Variants in PATJ observed in about 807,000 individuals in gnomAD.
PATJ encodes the protein inaD-like protein.
PATJ carries 190 observed loss-of-function variants against 224.9 expected under a neutral mutation model. The ratio of observed to expected loss-of-function variants is 0.84; its 90% CI spans 0.75 to 0.95. PATJ has a LOEUF of 0.95. PATJ is among the 40% of genes least tolerant of loss of function. The probability of loss-of-function intolerance (pLI) is 0.00; values close to 1 mark genes in which losing one functional copy is unlikely to be tolerated. For synonymous variants in PATJ, 769 were observed against 820.3 expected, an observed-to-expected ratio of 0.94 and a Z score of 1.07; for missense variants, 2,121 against 2,270.3, an observed-to-expected ratio of 0.93 and a Z score of 1.34.
intron 6 of PATJ, among the ~76,000 whole-genome samples, chr1:61,774,078 C>T (rs1402676313): frequency 6.9e-6 from 1 of 145,490 alleles, no homozygotes; most frequent in Non-Finnish European, 1.5e-5. Context: ...CGAGATCACA[C>T]CACTGCACTC....
chr1:62,051,074 A>G lies in PATJ; in HGVS notation c.4125+16A>G. The G allele has an allele frequency of 6.4e-7, 1 of 1,571,782 alleles. No individual in the cohort carries two copies. The highest frequency in any genetic ancestry group is 1.4e-5 in the African/African-American group (1 of 73,998). ...CTTCAAACTGGTGAGAATCTTGAGT[A>G]TTTTTCATCCTGTATTCTGTTTAGG... On this transcript the variant is annotated intron_variant, in intron 31 of 43. Coordinates refer to ENST00000642238, the MANE Select transcript of PATJ (RefSeq NM_001350145.3).
chr1:61,937,033 C>A (rs965606331), intron 27 of PATJ, among the ~76,000 whole-genome samples: 1 of 152,102 alleles, frequency 6.6e-6, no homozygotes, highest in Admixed American at 6.5e-5. Flanking sequence ...AGCTTCGAGT[C>A]GTTTATTCAG....
At position 62,125,566 on chromosome 1, in the gene PATJ, A is replaced by T. The variant is rs1665639672; in HGVS notation, c.5044-2406A>T. Among the ~76,000 whole-genome samples, 3 of 152,198 alleles carry T rather than the reference A, an allele frequency of 2.0e-5. No homozygotes were observed. The South Asian group carries it at 6.2e-4, about 31-fold the overall frequency. ...GGGAAGTTAAATGTACCAACAGTAT[A>T]TATAATTATAGATAAATTAAGGAAA... is the stretch of plus-strand genomic sequence containing the variant. On this transcript the variant is annotated intron_variant, in intron 39 of 43. Coordinates refer to ENST00000642238, the MANE Select transcript of PATJ (RefSeq NM_001350145.3).
At chr1:62,144,509 G>T (rs1667814704) in intron 41 of PATJ, among the ~76,000 whole-genome samples, 1 of 152,078 alleles carries the variant, frequency 6.6e-6, no homozygotes, top group Non-Finnish European at 1.5e-5. Flanking sequence ...TGTGCAGTGA[G>T]AATTATAACC....
chr1:61,804,162 A>G (rs1052255474), intron 12 of PATJ, among the ~76,000 whole-genome samples: 3 of 152,182 alleles, frequency 2.0e-5, no homozygotes, highest in African/African-American at 7.2e-5. Flanking sequence ...GAAGAAATTT[A>G]TGAGGCAAGA....
intron 27 of PATJ, among the ~76,000 whole-genome samples, chr1:61,960,867 T>G (rs1198812919): frequency 1.3e-5 from 2 of 152,152 alleles, no homozygotes; most frequent in African/African-American, 4.8e-5. Flanking sequence ...TTTCTGATTC[T>G]TGAGTTCTAG....
chr1:61,974,474 C>T (rs182430300), intron 27 of PATJ, among the ~76,000 whole-genome samples: 55 of 134,802 alleles, frequency 4.1e-4, no homozygotes, highest in Non-Finnish European at 7.0e-4. Context: ...AGTGCAATGG[C>T]GCAATCTTGG....
chr1:61,863,027 G>GTTTTTGTTTTTTTTTT, intron 19 of PATJ, among the ~76,000 whole-genome samples: 1 of 79,996 alleles, frequency 1.3e-5, no homozygotes, highest in Non-Finnish European at 2.5e-5. Context: ...ACTGTTTTCA[G>GTTTTTGTTTTTTTTTT]TTTTTTTTTT....
At chr1:61,823,182 T>C in intron 15 of PATJ, 103 bp downstream of exon 15, 1 of 1,128,538 alleles carries the variant, frequency 8.9e-7, no homozygotes, top group Non-Finnish European at 1.3e-6. Flanking sequence ...CCAATGCCAA[T>C]GTAATATGAG....
At chr1:61,744,758 G>A (rs1644940172) in intron 1 of PATJ, among the ~76,000 whole-genome samples, 3 of 152,000 alleles carry the variant, frequency 2.0e-5, no homozygotes, top group Non-Finnish European at 4.4e-5. Flanking sequence ...ATTTACCTGG[G>A]GATAGTGTCA....
chr1:61,952,286 GGCCCAAGGTCGTCAGA>G (rs1679827630), intron 27 of PATJ: 9 of 639,506 alleles, frequency 1.4e-5, no homozygotes, highest in South Asian at 3.6e-5. Flanking sequence ...GAGAAAAATA[GGCCCAAGGTCGTCAGA>G]AGAGAGAGGA....
intron 33 of PATJ, among the ~76,000 whole-genome samples, chr1:62,091,003 T>C (rs1027941253): frequency 6.6e-6 from 1 of 152,250 alleles, no homozygotes; most frequent in Admixed American, 6.5e-5. Context: ...TCTTGGATTA[T>C]TGGCAGACTT....
intron 35 of PATJ, chr1:62,114,456 C>T (rs983865369): frequency 1.9e-6 from 1 of 530,244 alleles, no homozygotes; most frequent in African/African-American, 1.9e-5. Flanking sequence ...TCCAATCAAT[C>T]CAGACTGATA....
chr1:61,771,439 G>T lies in PATJ; in HGVS notation c.533G>T (p.Arg178Ile). The T allele has an allele frequency of 6.3e-7, 1 of 1,584,826 alleles. No homozygotes were observed. The highest frequency in any genetic ancestry group is 8.6e-7 in the Non-Finnish European group (1 of 1,168,324). The change falls in exon 6 of 44, where the codon AGA becomes ATA. Residue 178 changes from arginine to isoleucine, a missense_variant. Coordinates refer to ENST00000642238, the MANE Select transcript of PATJ (RefSeq NM_001350145.3). ...TTTCTTACATGATTAAGGGATCAAA[G>T]ATTAAAGGAAAATGATCAAATATTG... ...QPGSVADRDQRLKENDQILAI... is the reference protein window; with the variant it reads ...QPGSVADRDQILKENDQILAI...
In PATJ at chr1:62,037,979, A is replaced by C; in HGVS notation, c.3962A>C (p.Asn1321Thr). ...CTGCCTATTTTAACACTTCACAGAAACGAGGATGCAGTCAATCAGATGGCC... is the reference window on the plus strand; with the variant it reads ...CTGCCTATTTTAACACTTCACAGAACCGAGGATGCAGTCAATCAGATGGCC... ...PSKVKLVFIR[N>T]EDAVNQMAVT... The change falls in exon 30 of 44, where the codon AAC becomes ACC. Residue 1321 changes from asparagine to threonine, a missense_variant and splice_region_variant. Coordinates refer to ENST00000642238, the MANE Select transcript of PATJ (RefSeq NM_001350145.3). The C allele has an allele frequency of 6.2e-7, 1 of 1,603,230 alleles. No individual in the cohort carries two copies. Among genetic ancestry groups the C allele is most frequent in the Non-Finnish European group, 8.5e-7 (1 of 1,173,484 alleles).
intron 33 of PATJ, among the ~76,000 whole-genome samples, chr1:62,102,406 G>C (rs928932602): frequency 6.6e-6 from 1 of 151,866 alleles, no homozygotes; most frequent in Non-Finnish European, 1.5e-5. Flanking sequence ...CTTTTTTCTT[G>C]GGCTAAACAA....
chr1:61,837,818 A>G (rs1294011164), intron 17 of PATJ, among the ~76,000 whole-genome samples: 1 of 148,942 alleles, frequency 6.7e-6, no homozygotes, highest in Non-Finnish European at 1.5e-5. Context: ...GGGAAAGATG[A>G]GTGAGCAGAT....
chr1:62,156,057 A>AAG (rs1669175112), intron 43 of PATJ, among the ~76,000 whole-genome samples: 1 of 141,892 alleles, frequency 7.0e-6, no homozygotes, highest in Non-Finnish European at 1.5e-5. Flanking sequence ...GACTCTGTAA[A>AAG]AAAAAAAAAA....
At chr1:61,941,791 T>C (rs1360662009) in intron 27 of PATJ, among the ~76,000 whole-genome samples, 1 of 152,230 alleles carries the variant, frequency 6.6e-6, no homozygotes, top group African/African-American at 2.4e-5. Context: ...TATTTTAATA[T>C]TTTACTCTGG....
Sources: allele counts gnomAD v4.1 joint callset (sites outside exome capture counted in the v4.1 genomes callset), GRCh38; gene constraint gnomAD v4.1.1; transcripts MANE v1.5; gene names NCBI Gene and HGNC (gene_info 2026-07-23, HGNC 2026-07-21).